AFG1L: variants seen among roughly 807,000 people sequenced by gnomAD.
The protein encoded by AFG1L is AFG1-like ATPase.
AFG1L carries 53 observed loss-of-function variants against 62.2 expected under a neutral mutation model. The ratio of observed to expected loss-of-function variants is 0.85; its 90% confidence interval spans 0.68 to 1.07. AFG1L has a LOEUF of 1.07. Among genes scored for constraint, AFG1L ranks in the 50% least tolerant of loss-of-function variants. The pLI, the probability that AFG1L is intolerant of heterozygous loss-of-function variation, is 0.00. For missense variants in AFG1L, 555 were observed against 590.5 expected (o/e 0.94, Z 0.62); for synonymous variants, 228 against 210.3 (o/e 1.08, Z -0.73).
At chr6:108,340,279 T>C (rs1002687668) in intron 2 of AFG1L, among the ~76,000 whole-genome samples, 2 of 152,028 alleles carry the variant, frequency 1.3e-5, no homozygotes, top group Non-Finnish European at 2.9e-5. Context: ...TTCTTGCCCA[T>C]AATAACTGAT....
At chr6:108,408,386 A>G (rs141075464) in intron 7 of AFG1L, among the ~76,000 whole-genome samples, 1 of 152,342 alleles carries the variant, frequency 6.6e-6, no homozygotes, top group African/African-American at 2.4e-5. Flanking sequence ...TTCTTTGCCC[A>G]ACTCTGCATA....
intron 7 of AFG1L, among the ~76,000 whole-genome samples, chr6:108,439,007 A>C (rs562046954): frequency 6.6e-6 from 1 of 152,328 alleles, no homozygotes; most frequent in East Asian, 1.9e-4. Flanking sequence ...CTCAGCCCTG[A>C]AGAGCCCTGA....
intron 6 of AFG1L, among the ~76,000 whole-genome samples, chr6:108,371,123 A>AT (rs1294388676): frequency 6.6e-6 from 1 of 152,144 alleles, no homozygotes; most frequent in Non-Finnish European, 1.5e-5. Context: ...TCTGTACACC[A>AT]TGCAGCTGTT....
intron 6 of AFG1L, among the ~76,000 whole-genome samples, chr6:108,377,213 G>A (rs556700534): frequency 2.6e-5 from 4 of 152,070 alleles, no homozygotes; most frequent in Non-Finnish European, 5.9e-5. Flanking sequence ...GCCACTCTTT[G>A]CCTTGTAAGT....
chr6:108,499,124 A>G (rs1472713265), intron 10 of AFG1L, among the ~76,000 whole-genome samples: 1 of 148,892 alleles, frequency 6.7e-6, no homozygotes, highest in African/African-American at 2.5e-5. Flanking sequence ...GCTGGAGTAC[A>G]GTGGCGCCAT....
At chr6:108,414,857 G>T (rs1348366116) in intron 7 of AFG1L, among the ~76,000 whole-genome samples, 1 of 152,098 alleles carries the variant, frequency 6.6e-6, no homozygotes, top group Non-Finnish European at 1.5e-5. Flanking sequence ...TTGAAAACTG[G>T]CACAAGACAG....
At chr6:108,344,854 A>G (rs1327953496) in intron 2 of AFG1L, 3 of 469,268 alleles carry the variant, frequency 6.4e-6, no homozygotes, top group South Asian at 4.7e-5. Context: ...GGTTGATAAT[A>G]GCATTAGGTA....
intron 11 of AFG1L, among the ~76,000 whole-genome samples, chr6:108,510,587 G>C (rs1774606856): frequency 6.6e-6 from 1 of 152,308 alleles, no homozygotes; most frequent in African/African-American, 2.4e-5. Flanking sequence ...GCTGAATGCT[G>C]TATAAGCACT....
At position 108,460,935 on chromosome 6, in the gene AFG1L, C is replaced by T. The variant is rs572937985; in HGVS notation, c.890+13639C>T. ...TGGCGCCACTGCACTCCAGCCTGGG[C>T]GACAGAGCGAGACTCCGTCTCAACA... On this transcript the variant is annotated intron_variant, in intron 8 of 12. Transcript: ENST00000368977. Among the ~76,000 whole-genome samples, 22 of 152,254 alleles carry T rather than the reference C, an allele frequency of 1.4e-4. 1 individual carries two copies. Among genetic ancestry groups the T allele is most frequent in the Admixed American group, 1.3e-3 (20 of 15,288 alleles).
At chr6:108,468,241 T>G (rs1459404478) in intron 8 of AFG1L, among the ~76,000 whole-genome samples, 1 of 152,202 alleles carries the variant, frequency 6.6e-6, no homozygotes, top group East Asian at 1.9e-4. Context: ...CCCTTGAGTA[T>G]CATCCTGAGA....
chr6:108,389,383 A>C (rs1404109577), intron 6 of AFG1L, among the ~76,000 whole-genome samples: 1 of 152,082 alleles, frequency 6.6e-6, no homozygotes, highest in Non-Finnish European at 1.5e-5. Flanking sequence ...TTACATTTAA[A>C]GTTAATATTG....
intron 8 of AFG1L, among the ~76,000 whole-genome samples, chr6:108,450,043 A>G (rs539822314): frequency 2.1e-3 from 321 of 152,316 alleles, no homozygotes; most frequent in African/African-American, 7.4e-3. Context: ...ACTATTGTGA[A>G]TAGTGCCACA....
intron 8 of AFG1L, among the ~76,000 whole-genome samples, chr6:108,453,996 A>T (rs1275189529): frequency 6.6e-6 from 1 of 152,170 alleles, no homozygotes; most frequent in African/African-American, 2.4e-5. Context: ...TTAGGCCGTC[A>T]TTTGTTTCAA....
chr6:108,505,568 T>C (rs985284237), intron 10 of AFG1L, among the ~76,000 whole-genome samples: 1 of 152,140 alleles, frequency 6.6e-6, no homozygotes, highest in African/African-American at 2.4e-5. Flanking sequence ...TAGACTTACA[T>C]ATTCAAAGAA....
intron 3 of AFG1L, among the ~76,000 whole-genome samples, chr6:108,352,357 G>C (rs1287961190): frequency 6.6e-6 from 1 of 152,030 alleles, no homozygotes; most frequent in Non-Finnish European, 1.5e-5. Flanking sequence ...TAATATACTT[G>C]GTATTCATGG....
intron 10 of AFG1L, among the ~76,000 whole-genome samples, chr6:108,496,373 A>G (rs988083960): frequency 1.3e-5 from 2 of 152,146 alleles, no homozygotes; most frequent in African/African-American, 2.4e-5. Flanking sequence ...TTATTCATTA[A>G]TTGTGTGTTA....
At chr6:108,516,317 T>C (rs1774889925) in intron 11 of AFG1L, among the ~76,000 whole-genome samples, 1 of 152,218 alleles carries the variant, frequency 6.6e-6, no homozygotes, top group African/African-American at 2.4e-5. Flanking sequence ...TCAAGTGGGC[T>C]TCATCCCTGG....
chr6:108,366,382 A>G, intron 6 of AFG1L, 50 bp downstream of exon 6: 1 of 1,137,676 alleles, frequency 8.8e-7, no homozygotes, highest in Non-Finnish European at 1.3e-6. Context: ...GAAACTAACA[A>G]GCTTTTAAAA....
chr6:108,455,661 A>G (rs1197467856), intron 8 of AFG1L, among the ~76,000 whole-genome samples: 1 of 151,072 alleles, frequency 6.6e-6, no homozygotes, highest in Non-Finnish European at 1.5e-5. Context: ...ATGTTTTATT[A>G]TGTCATGTTT....
Sources: allele counts gnomAD v4.1 joint callset (sites outside exome capture counted in the v4.1 genomes callset), GRCh38; gene constraint gnomAD v4.1.1; transcripts MANE v1.5; gene names NCBI Gene and HGNC (gene_info 2026-07-23, HGNC 2026-07-21).